The following KLRB1 variants were observed in gnomAD, a reference collection of about 807,000 sequenced individuals.
KLRB1 encodes the protein killer cell lectin like receptor B1, also known as killer cell lectin-like receptor subfamily B member 1.
In KLRB1, 27 loss-of-function variants were observed where a neutral mutation model predicts 33.5. The observed-to-expected ratio is 0.81, with a 90% CI of 0.59 to 1.11. The LOEUF (loss-of-function observed/expected upper bound fraction) is 1.11, where lower values mean the gene tolerates loss of function less well. KLRB1 is among the 50% of genes most tolerant of loss of function. KLRB1 has a pLI of 0.00. For synonymous variants in KLRB1, 64 were observed against 88.9 expected (o/e 0.72, Z 1.58); for missense variants, 241 against 254.1 (o/e 0.95, Z 0.35).
chr12:9,598,428 T>G, intron 4 of KLRB1, 71 bp downstream of exon 4: 1 of 1,257,878 alleles, frequency 7.9e-7, no homozygotes, highest in Non-Finnish European at 1.1e-6. Context: ...ACCCCTGGGC[T>G]AATGCACAGA....
chr12:9,603,941 ATTC>A (rs1490364174), intron 1 of KLRB1, among the ~76,000 whole-genome samples: 2 of 152,090 alleles, frequency 1.3e-5, no homozygotes, highest in Admixed American at 6.6e-5. Flanking sequence ...ATATGAAACA[ATTC>A]TTCTAAATGC....
chr12:9,607,335 C>CCTTTCTTT (rs1258225429), intron 1 of KLRB1, among the ~76,000 whole-genome samples: 5 of 65,170 alleles, frequency 7.7e-5, no homozygotes, highest in East Asian at 6.3e-4. Flanking sequence ...CTCTTTCTTT[C>CCTTTCTTT]CTTTCTTTCT....
chr12:9,595,501 C>G, intron 5 of KLRB1, 80 bp from the exon 6 acceptor site: 3 of 1,295,604 alleles, frequency 2.3e-6, no homozygotes, highest in Non-Finnish European at 3.3e-6. Context: ...TTTCCTAGGA[C>G]TCTCAGGAAG....
At position 9,599,860 on chromosome 12, in the gene KLRB1, C is replaced by A; in HGVS notation, c.185-19G>T. ...GATGTCACTAGTACATAAGGAAAAA[C>A]AAGAGTATTAAATGCTGAAATGTGT... On this transcript the variant is annotated intron_variant, in intron 2 of 5. Transcript: ENST00000229402. 1 of 1,417,066 alleles carries A rather than the reference C, an allele frequency of 7.1e-7. No individual in the cohort carries two copies. Among genetic ancestry groups the A allele is most frequent in the Non-Finnish European group, 1.0e-6 (1 of 1,001,636 alleles). 87.8% of individuals were successfully genotyped at this position (1,417,066 alleles called of 1,614,324 possible).
chr12:9,598,368 A>G, intron 4 of KLRB1, 131 bp downstream of exon 4: 1 of 786,622 alleles, frequency 1.3e-6, no homozygotes, highest in Non-Finnish European at 2.1e-6. Flanking sequence ...TTACATATCC[A>G]TGTAGTCATT....
chr12:9,607,347 T>TGC (rs1565444586), intron 1 of KLRB1, among the ~76,000 whole-genome samples: 3 of 71,252 alleles, frequency 4.2e-5, no homozygotes, highest in Non-Finnish European at 6.0e-5. Flanking sequence ...TTTCTTTCTT[T>TGC]CTTTCTTCCT....
At chr12:9,596,825 T>C (rs4763239) in intron 5 of KLRB1, among the ~76,000 whole-genome samples, 57,083 of 152,026 alleles carry the variant, frequency 0.38, 11,967 homozygotes, top group South Asian at 0.53. Context: ...ACCAATACCA[T>C]GTGTGGAAAG....
intron 1 of KLRB1, 66 bp from the exon 2 acceptor site, chr12:9,601,665 CAGT>C (rs1440287565): frequency 9.6e-7 from 1 of 1,042,308 alleles, no homozygotes; most frequent in East Asian, 2.4e-5. Flanking sequence ...TTGGTTAACT[CAGT>C]GGAGTACATC....
In KLRB1 at chr12:9,601,484, G is replaced by T; in HGVS notation, c.184+17C>A. ...GTAGAGTAAGTATTATGAAACAGAT[G>T]ATGGTGCCCCACTTACCTGAAACAC... On this transcript the variant is annotated intron_variant, in intron 2 of 5. Transcript: ENST00000229402. 2 of 1,553,014 alleles carry T rather than the reference G, an allele frequency of 1.3e-6. No homozygotes were observed. The highest frequency in any genetic ancestry group is 1.8e-6 in the Non-Finnish European group (2 of 1,124,558).
chr12:9,598,138 AC>A lies in KLRB1; in HGVS notation c.437del (p.Arg146LeufsTer11). 1 of 1,604,926 alleles carries A rather than the reference AC, an allele frequency of 6.2e-7. No homozygotes were observed. Among genetic ancestry groups the A allele is most frequent in the Non-Finnish European group, 8.5e-7 (1 of 1,174,882 alleles). Reference sequence around the variant, plus strand: ...CAATCCAAAACAGAATTGCTTTGTCACGTATCAGGTTCTGTGTGTGTATCTA... The same window carrying A: ...CAATCCAAAACAGAATTGCTTTGTCAGTATCAGGTTCTGTGTGTGTATCTA... Reference protein sequence around the residue: ...DELIHTQNLIRDKAILFWIGL... With the variant: ...DELIHTQNLIXDKAILFWIGL... On this transcript the variant is annotated frameshift_variant, in exon 5 of 6. Coordinates refer to ENST00000229402, the MANE Select transcript of KLRB1 (RefSeq NM_002258.3). LOFTEE classifies it high-confidence loss of function.
intron 1 of KLRB1, among the ~76,000 whole-genome samples, chr12:9,603,771 T>C (rs1035366004): frequency 1.3e-5 from 2 of 152,168 alleles, no homozygotes; most frequent in Admixed American, 1.3e-4. Context: ...GTAATTTTCA[T>C]TACTAAAGGC....
chr12:9,597,420 G>GTAT (rs1465252712), intron 5 of KLRB1, among the ~76,000 whole-genome samples: 6 of 10,760 alleles, frequency 5.6e-4, no homozygotes, highest in African/African-American at 6.1e-4. Flanking sequence ...TGCCTGTGTC[G>GTAT]CAAATGCCTC....
At chr12:9,605,587 A>G (rs1028270894) in intron 1 of KLRB1, among the ~76,000 whole-genome samples, 4 of 152,222 alleles carry the variant, frequency 2.6e-5, no homozygotes, top group Non-Finnish European at 5.9e-5. Flanking sequence ...CACTTTTCTA[A>G]CAGACCAAAC....
intron 4 of KLRB1, 121 bp from the exon 5 acceptor site, chr12:9,598,282 A>C (rs1161845053): frequency 2.6e-6 from 2 of 755,582 alleles, no homozygotes; most frequent in Non-Finnish European, 4.5e-6. Flanking sequence ...AGCATTAATT[A>C]TTCCTTCTTT....
chr12:9,599,909 G>T (rs1376277629), intron 2 of KLRB1, 68 bp from the exon 3 acceptor site: 3 of 866,100 alleles, frequency 3.5e-6, no homozygotes, highest in Non-Finnish European at 3.9e-6. Context: ...TATTATATTT[G>T]TTACTTTAGG....
intron 1 of KLRB1, among the ~76,000 whole-genome samples, chr12:9,607,048 T>C (rs2120727725): frequency 6.6e-6 from 1 of 152,092 alleles, no homozygotes; most frequent in South Asian, 2.1e-4. Flanking sequence ...CCACTGCAAC[T>C]GGCCTACACG....
chr12:9,607,355 C>CTTTT lies in KLRB1; in HGVS notation c.85+399_85+400insAAAA, dbSNP rs1555097796. Among the ~76,000 whole-genome samples, 52 of 52,704 alleles carry CTTTT rather than the reference C, an allele frequency of 9.9e-4. 6 individuals are homozygous for CTTTT. The highest frequency in any genetic ancestry group is 7.4e-4 in the Non-Finnish European group (17 of 22,960). 34.6% of individuals were successfully genotyped at this position (52,704 alleles called of 152,430 possible). ...TCTTTCCTTTCTTTCTTTCTTTCTT[C>CTTTT]CTTTCTTTCTTTCTTTCTTTCTTTC... On this transcript the variant is annotated intron_variant, in intron 1 of 5. Coordinates refer to ENST00000229402, the MANE Select transcript of KLRB1 (RefSeq NM_002258.3).
At position 9,598,526 on chromosome 12, in the gene KLRB1, C is replaced by T; in HGVS notation, c.387G>A (p.Leu129=). ...LADCSTKESS[L]LLIRDKDELI... is the part of the protein sequence containing the mutation. The stretch of plus-strand genomic sequence containing the variant: ...ATTCATCCTTATCTCGAATAAGCAG[C>T]AGGCTGGATTCTTTGGTGGAACAAT... The change falls in exon 4 of 6, where the codon CTG becomes CTA. Residue 129 remains leucine, a synonymous_variant. Transcript: ENST00000229402. 1 of 1,611,656 alleles carries T rather than the reference C, an allele frequency of 6.2e-7. No individual in the cohort carries two copies. The highest frequency in any genetic ancestry group is 2.2e-5 in the East Asian group (1 of 44,836).
At chr12:9,598,233 G>T in intron 4 of KLRB1, 72 bp from the exon 5 acceptor site, 1 of 949,668 alleles carries the variant, frequency 1.1e-6, no homozygotes, top group Non-Finnish European at 1.7e-6. Flanking sequence ...CCTAGTTCAA[G>T]CATCACCTCA....
Sources: gnomAD v4.1 joint callset for allele counts (sites outside exome capture counted in the v4.1 genomes callset) on GRCh38, gnomAD v4.1.1 for gene constraint, MANE v1.5 for transcripts, NCBI Gene and HGNC (gene_info 2026-07-23, HGNC 2026-07-21) for gene names.